The following TXNDC11 variants were observed in gnomAD, a reference collection of about 807,000 sequenced individuals.
TXNDC11 encodes the protein thioredoxin domain-containing protein 11.
A neutral mutation model predicts 78.0 loss-of-function variants in TXNDC11; 68 were observed. That is an observed-to-expected ratio of 0.87 (90% CI 0.72 to 1.07). TXNDC11 has a LOEUF of 1.07. Ranked by LOEUF, TXNDC11 falls within the 50% of genes least tolerant of loss-of-function variation. The probability of loss-of-function intolerance (pLI) is 0.00; values close to 1 mark genes in which losing one functional copy is unlikely to be tolerated. For missense variants in TXNDC11, 1,389 were observed against 1,221.8 expected, an observed-to-expected ratio of 1.14 and a Z score of -2.04; for synonymous variants, 571 against 495.2, an observed-to-expected ratio of 1.15 and a Z score of -2.03.
intron 8 of TXNDC11, 57 bp downstream of exon 8, chr16:11,691,233 C>T (rs930754701): frequency 1.5e-5 from 22 of 1,426,806 alleles, no homozygotes; most frequent in African/African-American, 1.4e-4. Flanking sequence ...ATAAAATTTA[C>T]CCATATGAAG....
intron 5 of TXNDC11, among the ~76,000 whole-genome samples, chr16:11,714,654 T>C (rs1003856925): frequency 6.7e-6 from 1 of 149,926 alleles, no homozygotes; most frequent in African/African-American, 2.4e-5. Flanking sequence ...AAAAAAAAAA[T>C]TTCCAATCTG....
At chr16:11,703,028 T>G (rs1242680138) in intron 5 of TXNDC11, among the ~76,000 whole-genome samples, 1 of 152,000 alleles carries the variant, frequency 6.6e-6, no homozygotes, top group Non-Finnish European at 1.5e-5. Context: ...TGGCACTGAG[T>G]AGGCCTTTTT....
chr16:11,706,996 G>A (rs78431106), intron 5 of TXNDC11, among the ~76,000 whole-genome samples: 2 of 152,164 alleles, frequency 1.3e-5, no homozygotes, highest in African/African-American at 4.8e-5. Context: ...GGCAGGCTCT[G>A]AAGGGCCAAC....
At position 11,703,723 on chromosome 16, in the gene TXNDC11, G is replaced by A. The variant is rs1339091992; in HGVS notation, c.794-3159C>T. 15 of 701,912 alleles carry A rather than the reference G, an allele frequency of 2.1e-5. No homozygotes were observed. In the East Asian group the frequency reaches 3.5e-4, roughly 16 times the overall value. 43.5% of individuals were successfully genotyped at this position (701,912 alleles called of 1,614,324 possible). A position where few individuals can be genotyped will look rare whatever the true frequency, so the allele number is the denominator to read the frequency against. ...CCATTCTCCAGTAAAAGAAACCAGG[G>A]CCCTTGGAGAAGAGGTTGATTCCAG... On this transcript the variant is annotated intron_variant, in intron 5 of 11. Coordinates refer to ENST00000283033, the MANE Select transcript of TXNDC11 (RefSeq NM_015914.7).
chr16:11,742,455 C>T, intron 1 of TXNDC11, 22 bp downstream of exon 1: 2 of 1,393,164 alleles, frequency 1.4e-6, no homozygotes, highest in South Asian at 1.6e-5. Flanking sequence ...CTAGCGGGGC[C>T]CCAGGGTCCG....
chr16:11,735,241 A>G (rs746943672), intron 2 of TXNDC11, among the ~76,000 whole-genome samples: 6 of 152,184 alleles, frequency 3.9e-5, no homozygotes, highest in Non-Finnish European at 8.8e-5. Flanking sequence ...AGTCACCAAC[A>G]TATCACCTTT....
Position 11,742,470 on chromosome 16 carries a change from G to T in TXNDC11, c.254+7C>A. ...CTAGCGGGGCCCCAGGGTCCGGGCC[G>T]CCTCACCTGCAGGTGAACTTGAGGG... On this transcript the variant is annotated splice_region_variant and intron_variant, in intron 1 of 11. Transcript: ENST00000283033. 7.0e-7 allele frequency: 1 copy of T among 1,424,764 alleles called. No individual in the cohort carries two copies. The allele number at this position is 1,424,764 out of a possible 1,614,324, so 88.3% of individuals were successfully genotyped here.
chr16:11,742,451 G>A lies in TXNDC11; in HGVS notation c.254+26C>T, dbSNP rs763552046. 60 of 1,386,816 alleles carry A rather than the reference G, an allele frequency of 4.3e-5. 2 individuals carry two copies. The highest frequency in any genetic ancestry group is 3.5e-4 in the South Asian group (22 of 62,058). The allele number at this position is 1,386,816 out of a possible 1,614,324, so 85.9% of individuals were successfully genotyped here. A position where few individuals can be genotyped will look rare whatever the true frequency, so the allele number is the denominator to read the frequency against. On this transcript the variant is annotated intron_variant, in intron 1 of 11. Coordinates refer to ENST00000283033, the MANE Select transcript of TXNDC11 (RefSeq NM_015914.7). ...GCAGAGCAAGGGGAGCGCCCTAGCGGGGCCCCAGGGTCCGGGCCGCCTCAC... is the reference window on the plus strand; with the variant it reads ...GCAGAGCAAGGGGAGCGCCCTAGCGAGGCCCCAGGGTCCGGGCCGCCTCAC...
At chr16:11,735,659 AT>A (rs1448297039) in intron 2 of TXNDC11, among the ~76,000 whole-genome samples, 1 of 152,168 alleles carries the variant, frequency 6.6e-6, no homozygotes, top group Admixed American at 6.5e-5. Context: ...CAGTCATATC[AT>A]ACATACATTT....
At chr16:11,682,794 G>T (rs1331037057) in intron 11 of TXNDC11, among the ~76,000 whole-genome samples, 1 of 152,222 alleles carries the variant, frequency 6.6e-6, no homozygotes, top group East Asian at 1.9e-4. Context: ...GTAGAAAAGG[G>T]TGAGTCACAT....
chr16:11,697,496 C>A (rs1252134791), intron 7 of TXNDC11, among the ~76,000 whole-genome samples: 1 of 152,318 alleles, frequency 6.6e-6, no homozygotes, highest in African/African-American at 2.4e-5. Flanking sequence ...TGTCTCTGAG[C>A]GCCTCCAAAT....
intron 5 of TXNDC11, chr16:11,703,829 C>T (rs544519802): frequency 3.3e-5 from 22 of 663,458 alleles, no homozygotes; most frequent in Middle Eastern, 3.9e-4. Flanking sequence ...TGGTGGCTCA[C>T]GCCTGTAATC....
chr16:11,693,868 C>T (rs946071078), intron 7 of TXNDC11, among the ~76,000 whole-genome samples: 2 of 152,088 alleles, frequency 1.3e-5, no homozygotes, highest in African/African-American at 4.8e-5. Context: ...GATTCAAAGA[C>T]GCAGTAATAG....
intron 5 of TXNDC11, among the ~76,000 whole-genome samples, chr16:11,702,698 T>A (rs999948850): frequency 3.9e-5 from 6 of 152,158 alleles, no homozygotes; most frequent in African/African-American, 1.4e-4. Flanking sequence ...AAATAAATTT[T>A]TTTTTAAAAA....
At chr16:11,683,861 C>T (rs1206828787) in intron 11 of TXNDC11, among the ~76,000 whole-genome samples, 2 of 150,824 alleles carry the variant, frequency 1.3e-5, no homozygotes, top group Non-Finnish European at 2.9e-5. Context: ...AAGAGATTCT[C>T]GTGCCTCAGC....
chr16:11,698,472 C>T (rs573610666), intron 6 of TXNDC11, 147 bp from the exon 7 acceptor site: 15 of 663,230 alleles, frequency 2.3e-5, no homozygotes, highest in Non-Finnish European at 3.4e-5. Context: ...AGCTAACACC[C>T]GCTTCTCCAG....
chr16:11,707,785 G>C (rs1305100818), intron 5 of TXNDC11, among the ~76,000 whole-genome samples: 1 of 151,846 alleles, frequency 6.6e-6, no homozygotes, highest in Non-Finnish European at 1.5e-5. Flanking sequence ...GTAGCTACTA[G>C]AAAAGTTTAA....
chr16:11,684,813 A>G (rs1048335863), intron 10 of TXNDC11, among the ~76,000 whole-genome samples: 2 of 152,230 alleles, frequency 1.3e-5, no homozygotes, highest in Non-Finnish European at 2.9e-5. Context: ...GGCAGCTGGC[A>G]CAGAGCTGGG....
chr16:11,742,525 G>GC lies in TXNDC11; in HGVS notation c.205dup (p.Ala69GlyfsTer41). 6.9e-7 allele frequency: 1 copy of GC among 1,458,140 alleles called. No homozygotes were observed. 90.3% of individuals were successfully genotyped at this position (1,458,140 alleles called of 1,614,324 possible). A position where few individuals can be genotyped will look rare whatever the true frequency, so the allele number is the denominator to read the frequency against. On this transcript the variant is annotated frameshift_variant, in exon 1 of 12. Coordinates refer to ENST00000283033, the MANE Select transcript of TXNDC11 (RefSeq NM_015914.7). LOFTEE classifies it high-confidence loss of function. ...GAGCAGCGCGCAGCCGAGCGCCACG[G>GC]CCCCGCAGAGCAGCTCCGGCCGCTG... is the stretch of plus-strand genomic sequence containing the variant.
Sources: gnomAD v4.1 joint callset for allele counts (sites outside exome capture counted in the v4.1 genomes callset) on GRCh38, gnomAD v4.1.1 for gene constraint, MANE v1.5 for transcripts, NCBI Gene and HGNC (gene_info 2026-07-23, HGNC 2026-07-21) for gene names.